CAD: variants seen among roughly 807,000 people sequenced by gnomAD.
CAD encodes the protein carbamoyl-phosphate synthetase 2, aspartate transcarbamylase, and dihydroorotase.
CAD carries 81 observed loss-of-function variants against 237.2 expected under a neutral mutation model. The observed-to-expected ratio is 0.34, with a 90% CI of 0.29 to 0.41. The LOEUF is 0.41. Ranked by LOEUF, CAD falls within the 10% of genes least tolerant of loss-of-function variation. The pLI, the probability that CAD is intolerant of heterozygous loss-of-function variation, is 1.00. For synonymous variants in CAD, 1,196 were observed against 1,162.8 expected, an observed-to-expected ratio of 1.03 and a Z score of -0.58; for missense variants, 2,181 against 2,951.7, an observed-to-expected ratio of 0.74 and a Z score of 6.05.
chr2:27,232,071 G>A lies in CAD; in HGVS notation c.2492G>A (p.Arg831His), dbSNP rs779903352. 31 of 1,614,122 alleles carry A rather than the reference G, an allele frequency of 1.9e-5. No homozygotes were observed. Among genetic ancestry groups the A allele is most frequent in the Admixed American group, 8.3e-5 (5 of 60,004 alleles). Residue 831 changes from arginine (R) to histidine (H), a missense_variant, in exon 17 of 44, where the codon CGC (arginine) becomes CAC (histidine). Transcript: ENST00000264705. The surrounding 1 kb of genome is among the most constrained non-coding windows in gnomAD (Gnocchi z 4.1). ...GTGGACCGCCTGTATGAGCTCACAC[G>A]CATCGACCGCTGGTTCCTGCACCGA... ...YSVDRLYELT[R>H]IDRWFLHRMK... is the part of the protein sequence containing the mutation.
At position 27,240,690 on chromosome 2, in the gene CAD, G is replaced by T; in HGVS notation, c.5594-221G>T. Reference sequence around the variant, plus strand: ...TAGGATGCCTTTGCCAACTGGGAGAGCCCCGGGAGGGCACCACTGCTCCCA... The same window carrying T: ...TAGGATGCCTTTGCCAACTGGGAGATCCCCGGGAGGGCACCACTGCTCCCA... On this transcript the variant is annotated intron_variant, in intron 35 of 43. Transcript: ENST00000264705. The surrounding 1 kb of genome is among the most constrained non-coding windows in gnomAD (Gnocchi z 4.6). 3 of 1,456,768 alleles carry T rather than the reference G, an allele frequency of 2.1e-6. No individual in the cohort carries two copies. The highest frequency in any genetic ancestry group is 9.4e-7 in the Non-Finnish European group (1 of 1,067,830). 90.2% of individuals were successfully genotyped at this position (1,456,768 alleles called of 1,614,324 possible).
Position 27,238,164 on chromosome 2 carries a change from T to C in CAD, c.4837T>C (p.Cys1613Arg), listed in dbSNP as rs759326745. The C allele has an allele frequency of 6.2e-7, 1 of 1,614,100 alleles. No homozygotes were observed. Among genetic ancestry groups the C allele is most frequent in the Non-Finnish European group, 8.5e-7 (1 of 1,179,992 alleles). The change falls in exon 30 of 44, where the codon TGT (cysteine) becomes CGT (arginine). Residue 1613 changes from cysteine (C) to arginine (R), a missense_variant. By Grantham distance (180) the Cys-to-Arg change is radical. Around this residue, in one of 12 missense-constraint regions of CAD, gnomAD observed 478 missense variants for 515.0 expected, o/e 0.93. Coordinates refer to ENST00000264705, the MANE Select transcript of CAD (RefSeq NM_004341.5). ...AQLTQRSVHI[C>R]HVARKEEILL... Reference sequence around the variant, plus strand: ...GCTCACTCAGCGCTCAGTGCACATATGTCACGTGGCACGGAAGGAGGAGGT... The same window carrying C: ...GCTCACTCAGCGCTCAGTGCACATACGTCACGTGGCACGGAAGGAGGAGGT...
intron 30 of CAD, 77 bp downstream of exon 30, chr2:27,238,264 A>G: frequency 1.3e-6 from 2 of 1,538,074 alleles, no homozygotes; most frequent in South Asian, 1.2e-5. Context: ...CCTTAGGGGC[A>G]GGAGACAGCA....
chr2:27,237,512 CATT>C lies in CAD; in HGVS notation c.4531_4533del (p.Ile1511del). The C allele has an allele frequency of 6.2e-7, 1 of 1,614,014 alleles. No individual in the cohort carries two copies. The highest frequency in any genetic ancestry group is 8.5e-7 in the Non-Finnish European group (1 of 1,180,012). On this transcript the variant is annotated inframe_deletion, in exon 28 of 44. Coordinates refer to ENST00000264705, the MANE Select transcript of CAD (RefSeq NM_004341.5). The surrounding 1 kb of genome is among the most constrained non-coding windows in gnomAD (Gnocchi z 4.0). ...CCATGCCTAATACCCGGCCCCCCAT[CATT>C]GACGCCCCTGCTCTGGCCCTGGCCC... is the stretch of plus-strand genomic sequence containing the variant.
rs769381542 is a variant in CAD at position 27,239,507 on chromosome 2, C to T, written c.5394+36C>T. 3 of 1,605,864 alleles carry T rather than the reference C, an allele frequency of 1.9e-6. No homozygotes were observed. The highest frequency in any genetic ancestry group is 2.2e-5 in the East Asian group (1 of 44,644). On this transcript the variant is annotated intron_variant, in intron 33 of 43. Coordinates refer to ENST00000264705, the MANE Select transcript of CAD (RefSeq NM_004341.5). The surrounding 1 kb of genome is among the most constrained non-coding windows in gnomAD (Gnocchi z 4.0). ...AGCCCCTGCCTGATCTCAGTAGTGC[C>T]CTCTTCTGCACCACGTTCATTTCTT...
intron 2 of CAD, among the ~76,000 whole-genome samples, chr2:27,219,841 G>A (rs1338623366): frequency 6.6e-6 from 1 of 152,016 alleles, no homozygotes; most frequent in African/African-American, 2.4e-5. Flanking sequence ...TGCCCACCTC[G>A]GCCTCCCAAA....
In CAD at chr2:27,237,841, T is replaced by A. The variant is rs757203654; in HGVS notation, c.4687T>A (p.Phe1563Ile). Residue 1563 changes from phenylalanine (F) to isoleucine (I), a missense_variant, in exon 29 of 44, where the codon TTC (phenylalanine) becomes ATC (isoleucine). By Grantham distance (21) the Phe-to-Ile change is conservative. This residue lies in a region of CAD where 478 missense variants were observed against 515.0 expected (regional missense o/e 0.93). Coordinates refer to ENST00000264705, the MANE Select transcript of CAD (RefSeq NM_004341.5). The surrounding 1 kb of genome is among the most constrained non-coding windows in gnomAD (Gnocchi z 4.0). The stretch of plus-strand genomic sequence containing the variant: ...GCTGAAGCTTTACCTCAATGAGACC[T>A]TCTCTGAGCTGCGGCTGGACAGCGT... ...AGLKLYLNET[F>I]SELRLDSVVQ... The A allele has an allele frequency of 6.2e-7, 1 of 1,613,528 alleles. No individual in the cohort carries two copies.
At chr2:27,222,492 G>C (rs746239906) in intron 4 of CAD, 27 bp from the exon 5 acceptor site, 4 of 1,610,490 alleles carry the variant, frequency 2.5e-6, no homozygotes. Flanking sequence ...GCTGCCAACT[G>C]TTGCCCTTTA....
In CAD at chr2:27,238,589, G is replaced by A. The variant is rs1676140219; in HGVS notation, c.5019G>A (p.Leu1673=). Reference sequence around the variant, plus strand: ...GCTCCCGCCAGGATGTGGAAGCCCTGTGGGAGAACATGGCTGTCATCGACT... The same window carrying A: ...GCTCCCGCCAGGATGTGGAAGCCCTATGGGAGAACATGGCTGTCATCGACT... ...ELGSRQDVEA[L]WENMAVIDCF... Residue 1673 remains leucine, a synonymous_variant, in exon 31 of 44, where the codon CTG becomes CTA. Coordinates refer to ENST00000264705, the MANE Select transcript of CAD (RefSeq NM_004341.5). 2 of 1,614,006 alleles carry A rather than the reference G, an allele frequency of 1.2e-6. No individual in the cohort carries two copies. The highest frequency in any genetic ancestry group is 2.2e-5 in the East Asian group (1 of 44,884).
chr2:27,221,348 G>A lies in CAD; in HGVS notation c.352+1G>A, dbSNP rs1675155195. 2 of 1,564,930 alleles carry A rather than the reference G, an allele frequency of 1.3e-6. No individual in the cohort carries two copies. Among genetic ancestry groups the A allele is most frequent in the Admixed American group, 1.8e-5 (1 of 55,974 alleles). On this transcript the variant is annotated splice_donor_variant, in intron 3 of 43. Transcript: ENST00000264705. LOFTEE classifies it high-confidence loss of function. Reference sequence around the variant, plus strand: ...CAGCATGGCATCCCTGGCTTGCAAGGTATGGTGGCAAGCAGGGGCATATTT... The same window carrying A: ...CAGCATGGCATCCCTGGCTTGCAAGATATGGTGGCAAGCAGGGGCATATTT...
chr2:27,223,758 G>A lies in CAD; in HGVS notation c.995+10G>A, dbSNP rs368999839. The A allele has an allele frequency of 2.2e-5, 36 of 1,613,086 alleles. No individual in the cohort carries two copies. Among genetic ancestry groups the A allele is most frequent in the Non-Finnish European group, 2.9e-5 (34 of 1,179,246 alleles). ...GCTTGCCTTTCTTCAGGTGAGCCTG[G>A]TTGACTGGGTCTGTGAAAATTTGAA... is the stretch of plus-strand genomic sequence containing the variant. On this transcript the variant is annotated intron_variant, in intron 7 of 43. Transcript: ENST00000264705.
Position 27,237,081 on chromosome 2 carries a change from G to A in CAD, c.4396+251G>A, listed in dbSNP as rs886401864. Among the ~76,000 whole-genome samples, 1 of 150,204 alleles carries A rather than the reference G, an allele frequency of 6.7e-6. No homozygotes were observed. The highest frequency in any genetic ancestry group is 1.9e-4 in the East Asian group (1 of 5,148). On this transcript the variant is annotated intron_variant, in intron 27 of 43. Transcript: ENST00000264705. This position sits in a 1 kb window ranked among gnomAD's most constrained non-coding sequence, Gnocchi z 4.0. ...CCATCGCCCAGGTTGGAGTGCAGTG[G>A]TGTGTGATATCGGCTCACTGCAACC... is the stretch of plus-strand genomic sequence containing the variant.
Position 27,232,246 on chromosome 2 carries a change from T to A in CAD, c.2645+22T>A, listed in dbSNP as rs775652126. Reference sequence around the variant, plus strand: ...TGAGGTCAGAGGTGGCAATGAGAGCTTCCGGCTGGGAAATGTGGGGCAGAA... The same window carrying A: ...TGAGGTCAGAGGTGGCAATGAGAGCATCCGGCTGGGAAATGTGGGGCAGAA... On this transcript the variant is annotated intron_variant, in intron 17 of 43. Transcript: ENST00000264705. This position sits in a 1 kb window ranked among gnomAD's most constrained non-coding sequence, Gnocchi z 4.1. The A allele has an allele frequency of 3.1e-6, 5 of 1,611,806 alleles. No individual in the cohort carries two copies. Among genetic ancestry groups the A allele is most frequent in the African/African-American group, 1.3e-5 (1 of 74,926 alleles).
intron 11 of CAD, 89 bp from the exon 12 acceptor site, chr2:27,225,616 T>G: frequency 9.7e-7 from 1 of 1,032,742 alleles, no homozygotes; most frequent in Non-Finnish European, 1.5e-6. Flanking sequence ...CCAGCCATGT[T>G]ATTTTCTTTA....
At position 27,241,785 on chromosome 2, in the gene CAD, G is replaced by A. The variant is rs1275400840; in HGVS notation, c.5884-126G>A. On this transcript the variant is annotated intron_variant, in intron 38 of 43. Coordinates refer to ENST00000264705, the MANE Select transcript of CAD (RefSeq NM_004341.5). The surrounding 1 kb of genome is among the most constrained non-coding windows in gnomAD (Gnocchi z 4.6). ...ACGTCAAGGCTCTGACAGGTCACAGGGGAGGTTTGGGTGCAGAAGGGTCCT... is the reference window on the plus strand; with the variant it reads ...ACGTCAAGGCTCTGACAGGTCACAGAGGAGGTTTGGGTGCAGAAGGGTCCT... 3 of 701,916 alleles carry A rather than the reference G, an allele frequency of 4.3e-6. No homozygotes were observed. In the Admixed American group the frequency reaches 7.3e-5, roughly 17 times the overall value. 43.5% of individuals were successfully genotyped at this position (701,916 alleles called of 1,614,324 possible).
rs766589907 is a variant in CAD, at chr2:27,237,894, G to A, written c.4728+12G>A. Reference sequence around the variant, plus strand: ...TCCAGTGGATGGAGGTAGGGAGTGTGCATGTGGCAGGAGGCCACCACCCAG... The same window carrying A: ...TCCAGTGGATGGAGGTAGGGAGTGTACATGTGGCAGGAGGCCACCACCCAG... On this transcript the variant is annotated intron_variant, in intron 29 of 43. Coordinates refer to ENST00000264705, the MANE Select transcript of CAD (RefSeq NM_004341.5). This position sits in a 1 kb window ranked among gnomAD's most constrained non-coding sequence, Gnocchi z 4.0. The A allele has an allele frequency of 2.0e-5, 32 of 1,595,682 alleles. No individual in the cohort carries two copies. The highest frequency in any genetic ancestry group is 2.7e-5 in the Non-Finnish European group (32 of 1,168,340).
rs1459901369 is a variant in CAD, at chr2:27,235,470, G to A, written c.3969+43G>A. The stretch of plus-strand genomic sequence containing the variant: ...GGCTTCCCGAGGGCCGTGGCTCCCT[G>A]GGCCAGGGCTGACCTTGAAATGGAA... On this transcript the variant is annotated intron_variant, in intron 24 of 43. Transcript: ENST00000264705. The surrounding 1 kb of genome is among the most constrained non-coding windows in gnomAD (Gnocchi z 5.2). 1 of 1,609,110 alleles carries A rather than the reference G, an allele frequency of 6.2e-7. No homozygotes were observed. The highest frequency in any genetic ancestry group is 8.5e-7 in the Non-Finnish European group (1 of 1,176,302).
chr2:27,239,287 C>T lies in CAD; in HGVS notation c.5254-44C>T. On this transcript the variant is annotated intron_variant, in intron 32 of 43. Coordinates refer to ENST00000264705, the MANE Select transcript of CAD (RefSeq NM_004341.5). This position sits in a 1 kb window ranked among gnomAD's most constrained non-coding sequence, Gnocchi z 4.0. ...GGGCTCTCCAGCCCTAGGATATGTT[C>T]TCTGGGGATCCTTTCCCTAGCATAA... is the stretch of plus-strand genomic sequence containing the variant. 6.2e-7 allele frequency: 1 copy of T among 1,603,852 alleles called. No individual in the cohort carries two copies.
In CAD at chr2:27,242,977, A is replaced by G; in HGVS notation, c.6480+4A>G. The G allele has an allele frequency of 6.3e-7, 1 of 1,590,556 alleles. No homozygotes were observed. Among genetic ancestry groups the G allele is most frequent in the Non-Finnish European group, 8.6e-7 (1 of 1,163,952 alleles). On this transcript the variant is annotated splice_donor_region_variant and intron_variant, in intron 42 of 43. Transcript: ENST00000264705. The surrounding 1 kb of genome is among the most constrained non-coding windows in gnomAD (Gnocchi z 6.4). ...CTCTACCCAGGAGTACGAAGCTGTG[A>G]GTGCTGGGCTTGAGGAAGAAGCCAG...
Sources: gnomAD v4.1 joint callset for allele counts (sites outside exome capture counted in the v4.1 genomes callset) on GRCh38, gnomAD v4.1.1 for gene constraint, gnomAD v4.1.1 regional missense constraint, Gnocchi (gnomAD v3.1) non-coding constraint, MANE v1.5 for transcripts, NCBI Gene and HGNC (gene_info 2026-07-23, HGNC 2026-07-21) for gene names.